STON2: variants seen among roughly 807,000 people sequenced by gnomAD.
The protein encoded by STON2 is stonin-2.
In STON2, 29 loss-of-function variants were observed where a neutral mutation model predicts 65.7. The observed-to-expected ratio is 0.44, with a 90% CI of 0.33 to 0.60. The LOEUF is 0.60. Among genes scored for constraint, STON2 ranks in the 20% least tolerant of loss-of-function variants. The pLI, the probability that STON2 is intolerant of heterozygous loss-of-function variation, is 0.03. For synonymous variants in STON2, 404 were observed against 414.2 expected (o/e 0.98, Z 0.30); for missense variants, 1,054 against 1,118.1 (o/e 0.94, Z 0.82).
chr14:81,343,166 G>A (rs1215084024), intron 4 of STON2, among the ~76,000 whole-genome samples: 2 of 152,182 alleles, frequency 1.3e-5, no homozygotes, highest in Non-Finnish European at 2.9e-5. Context: ...ATGACACAGT[G>A]CCTTGCAAAT....
chr14:81,389,161 C>A (rs1899959939), intron 3 of STON2, among the ~76,000 whole-genome samples: 1 of 152,176 alleles, frequency 6.6e-6, no homozygotes, highest in South Asian at 2.1e-4. Context: ...AAATTAAACA[C>A]TGCAACTATA....
chr14:81,339,540 G>T (rs1263002599), intron 4 of STON2, among the ~76,000 whole-genome samples: 3 of 152,160 alleles, frequency 2.0e-5, no homozygotes, highest in Admixed American at 6.5e-5. Context: ...ATATCAGGTA[G>T]CCAGCACTTG....
At chr14:81,350,650 T>C (rs1287524009) in intron 4 of STON2, among the ~76,000 whole-genome samples, 1 of 152,192 alleles carries the variant, frequency 6.6e-6, no homozygotes, top group Middle Eastern at 3.2e-3. Context: ...CCGTAAAATG[T>C]GGAAATTCGA....
Position 81,383,836 on chromosome 14 carries a change from C to T in STON2, c.373+12058G>A, listed in dbSNP as rs902412639. On this transcript the variant is annotated intron_variant, in intron 3 of 7. Transcript: ENST00000614646. The stretch of plus-strand genomic sequence containing the variant: ...GAAACTCAAGCTGGATCAGGCCACA[C>T]CTCAGTTCAAAACCCTCCATTAGCT... Among the ~76,000 whole-genome samples the T allele has an allele frequency of 3.9e-5, 6 of 152,186 alleles. No individual in the cohort carries two copies. In the East Asian group the frequency reaches 9.6e-4, roughly 24 times the overall value.
chr14:81,264,832 G>C lies in STON2; in HGVS notation c.*3582C>G. The C allele has an allele frequency of 1.0e-6, 1 of 985,394 alleles. No homozygotes were observed. The highest frequency in any genetic ancestry group is 4.7e-5 in the South Asian group (1 of 21,274). 61.0% of individuals were successfully genotyped at this position (985,394 alleles called of 1,614,324 possible). The stretch of plus-strand genomic sequence containing the variant: ...AACTAGTACTATGTCTGCAAGAGCA[G>C]GCAAGGGGGATCATCTAATGGTCTC... On this transcript the variant is annotated 3_prime_UTR_variant, in exon 8 of 8. Coordinates refer to ENST00000614646, the MANE Select transcript of STON2 (RefSeq NM_001394390.1).
chr14:81,265,226 A>C lies in STON2; in HGVS notation c.*3188T>G. The C allele has an allele frequency of 1.0e-6, 1 of 984,174 alleles. No individual in the cohort carries two copies. Among genetic ancestry groups the C allele is most frequent in the Non-Finnish European group, 1.2e-6 (1 of 828,810 alleles). 61.0% of individuals were successfully genotyped at this position (984,174 alleles called of 1,614,324 possible). ...CTTTAGAAGTTATTTAAACCTAGTA[A>C]AACACTCATTACGTCTAAAAATATA... On this transcript the variant is annotated 3_prime_UTR_variant, in exon 8 of 8. Transcript: ENST00000614646.
chr14:81,348,078 T>C (rs189441938), intron 4 of STON2, among the ~76,000 whole-genome samples: 20 of 152,186 alleles, frequency 1.3e-4, no homozygotes, highest in Admixed American at 1.3e-3. Flanking sequence ...AACATTCCTT[T>C]ATGTTAAAAA....
At chr14:81,334,640 G>A (rs554888106) in intron 4 of STON2, among the ~76,000 whole-genome samples, 21 of 152,268 alleles carry the variant, frequency 1.4e-4, no homozygotes, top group African/African-American at 4.8e-4. Flanking sequence ...ATGTCCTTTT[G>A]TAGGGTATGA....
chr14:81,322,503 C>G (rs1284427822), intron 5 of STON2, among the ~76,000 whole-genome samples: 1 of 152,122 alleles, frequency 6.6e-6, no homozygotes, highest in African/African-American at 2.4e-5. Context: ...GATGGGGCTG[C>G]AAGCAATCTA....
rs140245719 is a variant in STON2 at position 81,406,165 on chromosome 14, G to A, written c.-198-7585C>T. On this transcript the variant is annotated intron_variant, in intron 2 of 8. Coordinates refer to the STON2 transcript ENST00000553821. ...CCCTACTTTTGAGGTTTTGGGGCTC[G>A]GATTGGATTCCTTGCTCCTCAGCTT... Among the ~76,000 whole-genome samples the A allele has an allele frequency of 2.3e-3, 351 of 152,254 alleles. 3 individuals are homozygous for A. Among genetic ancestry groups the A allele is most frequent in the African/African-American group, 7.8e-3 (326 of 41,536 alleles).
rs1431388761 is a variant in STON2, at chr14:81,396,719, T to C, written c.89-541A>G. Among the ~76,000 whole-genome samples, 93 of 151,236 alleles carry C rather than the reference T, an allele frequency of 6.1e-4. 1 individual carries two copies. Among genetic ancestry groups the C allele is most frequent in the Non-Finnish European group, 8.8e-5 (6 of 67,988 alleles). Reference sequence around the variant, plus strand: ...ATTTCTGCAGCACTGTATCACTTGATTGGCCCCAGAAAATTAAACAGCCTT... The same window carrying C: ...ATTTCTGCAGCACTGTATCACTTGACTGGCCCCAGAAAATTAAACAGCCTT... On this transcript the variant is annotated intron_variant, in intron 2 of 7. Transcript: ENST00000614646.
intron 5 of STON2, among the ~76,000 whole-genome samples, chr14:81,319,955 A>T (rs1164287512): frequency 6.6e-6 from 1 of 152,242 alleles, no homozygotes; most frequent in East Asian, 1.9e-4. Context: ...CTATGTTAGT[A>T]TAACAAACTA....
chr14:81,342,624 C>G (rs932416678), intron 4 of STON2, among the ~76,000 whole-genome samples: 1 of 152,150 alleles, frequency 6.6e-6, no homozygotes, highest in African/African-American at 2.4e-5. Context: ...GAGCTCTATT[C>G]CCGGTCCCCA....
upstream of STON2, among the ~76,000 whole-genome samples, chr14:81,401,300 A>G (rs1013061896): frequency 1.3e-5 from 2 of 152,208 alleles, no homozygotes; most frequent in Admixed American, 6.5e-5. Flanking sequence ...ATGAACGAAA[A>G]AAGAGCCCCA....
intron 5 of STON2, among the ~76,000 whole-genome samples, chr14:81,286,355 T>G (rs146213532): frequency 2.0e-5 from 3 of 152,262 alleles, no homozygotes; most frequent in Non-Finnish European, 4.4e-5. Flanking sequence ...GCAGCAAACA[T>G]CATTGTTGTT....
rs1401840036 is a variant in STON2, at chr14:81,278,227, T to C, written c.1255A>G (p.Ile419Val). 3.7e-6 allele frequency: 6 copies of C among 1,614,164 alleles called. No homozygotes were observed. The change falls in exon 6 of 8, where the codon ATC (isoleucine) becomes GTC (valine). Residue 419 changes from isoleucine (I) to valine (V), a missense_variant. Coordinates refer to ENST00000614646, the MANE Select transcript of STON2 (RefSeq NM_001394390.1). ...GKSQRDSLIV[I>V]YQDAISFDDS... ...TCAAAACTGATGGCATCCTGGTAGA[T>C]GACAATGAGGGAATCTCTTTGGCTT...
rs1008735300 is a variant in STON2 at position 81,266,453 on chromosome 14, T to G, written c.*1961A>C. Among the ~76,000 whole-genome samples, 1 of 152,238 alleles carries G rather than the reference T, an allele frequency of 6.6e-6. No individual in the cohort carries two copies. Among genetic ancestry groups the G allele is most frequent in the Non-Finnish European group, 1.5e-5 (1 of 68,036 alleles). ...CAGCTATTGTATCATTCCCTCCTTGTCTGCACTCCCTTTCCAGCTATACCT... is the reference window on the plus strand; with the variant it reads ...CAGCTATTGTATCATTCCCTCCTTGGCTGCACTCCCTTTCCAGCTATACCT... On this transcript the variant is annotated 3_prime_UTR_variant, in exon 8 of 8. Transcript: ENST00000614646.
chr14:81,322,976 G>A (rs1896874471), intron 5 of STON2, among the ~76,000 whole-genome samples: 1 of 152,124 alleles, frequency 6.6e-6, no homozygotes, highest in Non-Finnish European at 1.5e-5. Flanking sequence ...CTCAGTTTGG[G>A]CAATTTCTAT....
At chr14:81,309,966 C>T (rs1435914890) in intron 5 of STON2, among the ~76,000 whole-genome samples, 1 of 152,154 alleles carries the variant, frequency 6.6e-6, no homozygotes, top group Non-Finnish European at 1.5e-5. Flanking sequence ...ATATGCAGGA[C>T]TCTGAATTAG....
Sources: gnomAD v4.1 joint callset for allele counts (sites outside exome capture counted in the v4.1 genomes callset) on GRCh38, gnomAD v4.1.1 for gene constraint, MANE v1.5 for transcripts, NCBI Gene and HGNC (gene_info 2026-07-23, HGNC 2026-07-21) for gene names.